The following SGCD variants were observed in gnomAD, a reference collection of about 807,000 sequenced individuals.
SGCD encodes the protein sarcoglycan delta, also known as delta-sarcoglycan.
SGCD carries 18 observed loss-of-function variants against 36.6 expected under a neutral mutation model. The observed-to-expected ratio is 0.49, with a 90% CI of 0.34 to 0.73. The LOEUF is 0.73. Ranked by LOEUF, SGCD falls within the 30% of genes least tolerant of loss-of-function variation. The pLI is 0.01. For synonymous variants in SGCD, 133 were observed against 130.6 expected (o/e 1.02, Z -0.12); for missense variants, 387 against 346.7 (o/e 1.12, Z -0.92).
intron 1 of SGCD, among the ~76,000 whole-genome samples, chr5:156,058,765 T>G (rs1230832764): frequency 6.8e-6 from 1 of 146,276 alleles, no homozygotes; most frequent in African/African-American, 2.5e-5. Flanking sequence ...TAAAGATATA[T>G]AATGGAATAT....
At chr5:156,239,077 G>A (rs1242297333) in intron 3 of SGCD, among the ~76,000 whole-genome samples, 2 of 151,972 alleles carry the variant, frequency 1.3e-5, no homozygotes, top group East Asian at 1.9e-4. Context: ...TCTGGGTCCC[G>A]TGGCGCATCA....
chr5:155,865,083 CATAG>C, the SGCD span, among the ~76,000 whole-genome samples: 4,497 of 144,112 alleles, frequency 0.031, 75 homozygotes, highest in South Asian at 0.048. Context: ...TATACATAGC[CATAG>C]ATAGATAGAT....
chr5:156,319,854 G>A (rs1767612201), intron 3 of SGCD, among the ~76,000 whole-genome samples: 1 of 152,174 alleles, frequency 6.6e-6, no homozygotes, highest in Non-Finnish European at 1.5e-5. Flanking sequence ...CTCACCAGTT[G>A]AGAGATTTAA....
chr5:156,170,472 T>C (rs554248277), intron 3 of SGCD, among the ~76,000 whole-genome samples: 1 of 152,314 alleles, frequency 6.6e-6, no homozygotes, highest in East Asian at 1.9e-4. Flanking sequence ...ATGTTACCAC[T>C]TTAGTTCCTA....
At chr5:155,949,206 T>G (rs1757503851) in intron 1 of SGCD, among the ~76,000 whole-genome samples, 2 of 152,190 alleles carry the variant, frequency 1.3e-5, no homozygotes, top group South Asian at 2.1e-4. Context: ...TTCTAATGTG[T>G]TCTTCCAACA....
chr5:156,498,594 T>A (rs976582760), intron 3 of SGCD, among the ~76,000 whole-genome samples: 1 of 152,256 alleles, frequency 6.6e-6, no homozygotes, highest in Non-Finnish European at 1.5e-5. Context: ...AGCATGTACC[T>A]GTATTTCATT....
At position 156,203,671 on chromosome 5, in the gene SGCD, GT is replaced by G. The variant is rs566271167; in HGVS notation, c.-44+79654del. ...AGTCCCTCAAAATAATTTATAGACA[GT>G]TCCTGGAGACTTCTAGCTGGAAATG... On this transcript the variant is annotated intron_variant, in intron 3 of 9. Transcript: ENST00000517913. Among the ~76,000 whole-genome samples, 5 of 152,236 alleles carry G rather than the reference GT, an allele frequency of 3.3e-5. No individual in the cohort carries two copies. In the South Asian group the frequency reaches 1.0e-3, roughly 31 times the overall value.
At position 155,907,062 on chromosome 5, in the gene SGCD, G is replaced by A. The variant is rs1004506698; in HGVS notation, c.-282+36638G>A. On this transcript the variant is annotated intron_variant, in intron 1 of 9. Transcript: ENST00000517913. Reference sequence around the variant, plus strand: ...TTTAAGTTGAAGTCAGTGCTCATTTGCCATACTGAAAATCCTATGGCCCTT... The same window carrying A: ...TTTAAGTTGAAGTCAGTGCTCATTTACCATACTGAAAATCCTATGGCCCTT... Among the ~76,000 whole-genome samples the A allele has an allele frequency of 3.3e-5, 5 of 152,148 alleles. No individual in the cohort carries two copies. The East Asian group carries it at 9.7e-4, about 30-fold the overall frequency.
rs1756713889 is a variant in SGCD, at chr5:155,915,327, G to T, written c.-282+44903G>T. Among the ~76,000 whole-genome samples the T allele has an allele frequency of 2.6e-5, 4 of 152,060 alleles. No homozygotes were observed. In the South Asian group the frequency reaches 8.3e-4, roughly 32 times the overall value. On this transcript the variant is annotated intron_variant, in intron 1 of 9. Transcript: ENST00000517913. ...TTGAGTAAGGTTTTTCGTTCCCCAA[G>T]AACTCATTTTCCTCCCTTTAGGGGT...
chr5:155,750,831 TCA>T, the SGCD span, among the ~76,000 whole-genome samples: 1 of 152,182 alleles, frequency 6.6e-6, no homozygotes, highest in Non-Finnish European at 1.5e-5. Flanking sequence ...ATCCCAGTTG[TCA>T]TTTGCTAGTT....
At chr5:156,141,269 A>G (rs940439510) in intron 3 of SGCD, among the ~76,000 whole-genome samples, 1 of 151,432 alleles carries the variant, frequency 6.6e-6, no homozygotes, top group Admixed American at 6.5e-5. Context: ...TGCCTAACAA[A>G]CACGAGACCG....
At chr5:155,835,702 A>G in the SGCD span, among the ~76,000 whole-genome samples, 1 of 152,140 alleles carries the variant, frequency 6.6e-6, no homozygotes, top group African/African-American at 2.4e-5. Context: ...CTTGATAATC[A>G]TTATTTCAAT....
chr5:156,048,174 A>G (rs1443240132), intron 1 of SGCD, among the ~76,000 whole-genome samples: 1 of 152,190 alleles, frequency 6.6e-6, no homozygotes, highest in Non-Finnish European at 1.5e-5. Flanking sequence ...ATGACTGCAT[A>G]GTATTCCATG....
chr5:156,187,393 T>C (rs1763787444), intron 3 of SGCD, among the ~76,000 whole-genome samples: 2 of 152,122 alleles, frequency 1.3e-5, no homozygotes, highest in Admixed American at 1.3e-4. Context: ...GCAAGCCATT[T>C]GAGAGGATCT....
chr5:155,893,067 T>C (rs1756173855), intron 1 of SGCD, among the ~76,000 whole-genome samples: 1 of 152,168 alleles, frequency 6.6e-6, no homozygotes, highest in African/African-American at 2.4e-5. Flanking sequence ...GTAGAGTTAC[T>C]ATAATTAATA....
intron 6 of SGCD, among the ~76,000 whole-genome samples, chr5:156,644,050 ACT>A (rs1763140351): frequency 1.3e-5 from 2 of 152,172 alleles, no homozygotes; most frequent in South Asian, 4.1e-4. Context: ...ACCAAAGCAA[ACT>A]CTGTTAAGCT....
At chr5:156,101,029 A>T (rs1277863446) in intron 1 of SGCD, among the ~76,000 whole-genome samples, 3 of 152,296 alleles carry the variant, frequency 2.0e-5, no homozygotes, top group African/African-American at 7.2e-5. Flanking sequence ...GTGCACCTAT[A>T]AGAAGAGACA....
At chr5:155,845,166 C>T in the SGCD span, among the ~76,000 whole-genome samples, 1 of 152,068 alleles carries the variant, frequency 6.6e-6, no homozygotes, top group Non-Finnish European at 1.5e-5. Context: ...TGAGAATGTC[C>T]ATCATCTTAT....
At chr5:155,819,780 G>A in the SGCD span, among the ~76,000 whole-genome samples, 2 of 152,124 alleles carry the variant, frequency 1.3e-5, no homozygotes, top group African/African-American at 4.8e-5. Flanking sequence ...GAAACACAAA[G>A]ATCTCAGTCT....
Sources: allele counts gnomAD v4.1 joint callset (sites outside exome capture counted in the v4.1 genomes callset), GRCh38; gene constraint gnomAD v4.1.1; transcripts MANE v1.5; gene names NCBI Gene and HGNC (gene_info 2026-07-23, HGNC 2026-07-21).